The following PHLDB1 variants were observed in gnomAD, a reference collection of about 807,000 sequenced individuals.
The protein encoded by PHLDB1 is pleckstrin homology-like domain family B member 1.
PHLDB1 carries 65 observed loss-of-function variants against 139.3 expected under a neutral mutation model. The ratio of observed to expected loss-of-function variants is 0.47; its 90% CI spans 0.38 to 0.57. The LOEUF is 0.57. Ranked by LOEUF, PHLDB1 falls within the 20% of genes least tolerant of loss-of-function variation. PHLDB1 has a pLI of 0.00. For synonymous variants in PHLDB1, 679 were observed against 734.5 expected (o/e 0.92, Z 1.22); for missense variants, 1,624 against 1,839.7 (o/e 0.88, Z 2.14).
chr11:118,607,329 TGTGGTGGTGGTGGTGGTGGTGGTGGTG>T (rs60326273), upstream of PHLDB1, among the ~76,000 whole-genome samples: 476 of 57,662 alleles, frequency 8.3e-3, 12 homozygotes, highest in Non-Finnish European at 0.012. Flanking sequence ...GAGGGGGATG[TGTGGTGGTGGTGGTGGTGGTGGTGGTG>T]GTGGTGGTGG....
chr11:118,614,709 AC>A, intron 3 of PHLDB1, 27 bp downstream of exon 3: 1 of 1,610,914 alleles, frequency 6.2e-7, no homozygotes, highest in Non-Finnish European at 8.5e-7. Flanking sequence ...CATCTCACTC[AC>A]CACCCCTCTA....
intron 7 of PHLDB1, 83 bp from the exon 8 acceptor site, chr11:118,631,830 C>G: frequency 6.9e-7 from 1 of 1,458,754 alleles, no homozygotes; most frequent in African/African-American, 1.4e-5. Flanking sequence ...CAGCAAGTGC[C>G]TGGAGGAACA....
upstream of PHLDB1, chr11:118,606,755 C>G (rs1939319182): frequency 6.6e-6 from 1 of 152,248 alleles, no homozygotes; most frequent in Non-Finnish European, 1.5e-5. Flanking sequence ...TTGGGGGCTG[C>G]TTTTAGGTGT....
At chr11:118,644,030 G>C in intron 14 of PHLDB1, 42 bp from the exon 15 acceptor site, 1 of 1,608,112 alleles carries the variant, frequency 6.2e-7, no homozygotes, top group East Asian at 2.2e-5. Context: ...ATGGGGGTAA[G>C]GGCCTTCTGA....
At chr11:118,648,262 A>G (rs1947832587) in intron 18 of PHLDB1, among the ~76,000 whole-genome samples, 186 bp downstream of exon 18, 1 of 146,792 alleles carries the variant, frequency 6.8e-6, no homozygotes, top group East Asian at 2.0e-4. Flanking sequence ...CACCAGGACT[A>G]TTCAAGTTGT....
At position 118,635,563 on chromosome 11, in the gene PHLDB1, G is replaced by A. The variant is rs782645238; in HGVS notation, c.2535+15G>A. The stretch of plus-strand genomic sequence containing the variant: ...CCAAGAGGAAGGTGTGCCCCACCTC[G>A]TTCCCTGCTGCGTGCTGTTGGAGGC... On this transcript the variant is annotated intron_variant, in intron 10 of 22. Transcript: ENST00000600882. 17 of 1,503,228 alleles carry A rather than the reference G, an allele frequency of 1.1e-5. No individual in the cohort carries two copies. The South Asian group carries it at 1.9e-4, about 17-fold the overall frequency. 93.1% of individuals were successfully genotyped at this position (1,503,228 alleles called of 1,614,324 possible).
chr11:118,621,848 C>T (rs1334346924), intron 4 of PHLDB1, among the ~76,000 whole-genome samples: 7 of 152,118 alleles, frequency 4.6e-5, no homozygotes, highest in Admixed American at 3.9e-4. Context: ...GGGGAGTCTA[C>T]CTTATGGCCA....
Position 118,657,363 on chromosome 11 carries a change from A to G in PHLDB1, c.*540A>G, listed in dbSNP as rs1463526629. 1 of 153,964 alleles carries G rather than the reference A, an allele frequency of 6.5e-6. No individual in the cohort carries two copies. The highest frequency in any genetic ancestry group is 1.4e-5 in the Non-Finnish European group (1 of 68,984). 9.5% of individuals were successfully genotyped at this position (153,964 alleles called of 1,614,324 possible). On this transcript the variant is annotated 3_prime_UTR_variant, in exon 23 of 23. Coordinates refer to ENST00000600882, the MANE Select transcript of PHLDB1 (RefSeq NM_001144758.3). ...ATCCCCTAGTTGCAGACTCATCACC[A>G]TGGTTACCATAGTGACTGCTTCATT...
Position 118,644,840 on chromosome 11 carries a change from C to G in PHLDB1, c.3122-516C>G, listed in dbSNP as rs57516715. On this transcript the variant is annotated intron_variant, in intron 15 of 22. Coordinates refer to ENST00000600882, the MANE Select transcript of PHLDB1 (RefSeq NM_001144758.3). ...GTGTCTGCTGGCCTCACCCCTCCAG[C>G]TGGCCTCTCTTCTGCCCTCATCTGT... is the stretch of plus-strand genomic sequence containing the variant. The G allele has an allele frequency of 5.0e-3, 1,670 of 337,026 alleles. 20 individuals are homozygous for G. Among genetic ancestry groups the G allele is most frequent in the African/African-American group, 0.034 (1,542 of 45,534 alleles). 20.9% of individuals were successfully genotyped at this position (337,026 alleles called of 1,614,324 possible). A position where few individuals can be genotyped will look rare whatever the true frequency, so the allele number is the denominator to read the frequency against.
intron 3 of PHLDB1, 32 bp from the exon 4 acceptor site, chr11:118,616,009 C>A: frequency 2.5e-6 from 4 of 1,588,574 alleles, no homozygotes; most frequent in Non-Finnish European, 2.6e-6. Flanking sequence ...GCCTGGACAA[C>A]CCCTCTGATT....
In PHLDB1 at chr11:118,611,337, C is replaced by G. The variant is rs1351393361; in HGVS notation, c.-21-2479C>G. 3.9e-5 allele frequency among the ~76,000 whole-genome samples: 6 copies of G among 152,322 alleles called. No homozygotes were observed. The highest frequency in any genetic ancestry group is 1.4e-4 in the African/African-American group (6 of 41,570). ...TCCCCACACCTCTCTCCTTATCTCT[C>G]CCTTTACTTTCGCCTCCTTATTCTC... On this transcript the variant is annotated intron_variant, in intron 1 of 22. Transcript: ENST00000600882. The surrounding 1 kb of genome is among the most constrained non-coding windows in gnomAD (Gnocchi z 4.7).
Position 118,658,019 on chromosome 11 carries a change from G to T in PHLDB1, c.*1196G>T, listed in dbSNP as rs1949220101. The T allele has an allele frequency of 4.0e-6, 2 of 504,508 alleles. No individual in the cohort carries two copies. The highest frequency in any genetic ancestry group is 6.2e-5 in the East Asian group (2 of 32,240). The allele number at this position is 504,508 out of a possible 1,614,324, so 31.3% of individuals were successfully genotyped here. On this transcript the variant is annotated 3_prime_UTR_variant, in exon 23 of 23. Coordinates refer to ENST00000600882, the MANE Select transcript of PHLDB1 (RefSeq NM_001144758.3). The stretch of plus-strand genomic sequence containing the variant: ...TTTCAGCAGAACAATAAAGCCTTTG[G>T]ACTACGGAAGTGAGTGGAAGGCCGG...
chr11:118,608,281 C>A lies in PHLDB1; in HGVS notation c.-22+582C>A, dbSNP rs1387098661. Among the ~76,000 whole-genome samples the A allele has an allele frequency of 6.6e-6, 1 of 152,100 alleles. No homozygotes were observed. The highest frequency in any genetic ancestry group is 1.5e-5 in the Non-Finnish European group (1 of 67,960). On this transcript the variant is annotated intron_variant, in intron 1 of 22. Transcript: ENST00000600882. The surrounding 1 kb of genome is among the most constrained non-coding windows in gnomAD (Gnocchi z 6.7). ...GATGGGAAGCCCGCCTGGGGCCTCC[C>A]AGGCACTCCCCAAGGCCCCACGTCC...
Position 118,632,037 on chromosome 11 carries a change from A to G in PHLDB1, c.2225A>G (p.Gln742Arg). Residue 742 changes from glutamine (Q) to arginine (R), a missense_variant, in exon 8 of 23, where the codon CAG becomes CGG. Coordinates refer to ENST00000600882, the MANE Select transcript of PHLDB1 (RefSeq NM_001144758.3). This position sits in a 1 kb window ranked among gnomAD's most constrained non-coding sequence, Gnocchi z 5.9. ...GTGAAGGAGCTAGAGCAGCAGCTGC[A>G]GGAGTCAGCCCGAGAGGTGAGCCGT... ...VRVKELEQQL[Q>R]ESAREAEMER... 1 of 1,614,066 alleles carries G rather than the reference A, an allele frequency of 6.2e-7. No homozygotes were observed. Among genetic ancestry groups the G allele is most frequent in the Middle Eastern group, 1.6e-4 (1 of 6,062 alleles).
chr11:118,629,934 C>A, intron 6 of PHLDB1: 1 of 1,132,542 alleles, frequency 8.8e-7, no homozygotes. Context: ...GCTGCCCGCC[C>A]TGCCCCTCCC....
In PHLDB1 at chr11:118,608,438, G is replaced by C. The variant is rs781904720; in HGVS notation, c.-22+739G>C. 6.6e-6 allele frequency among the ~76,000 whole-genome samples: 1 copy of C among 152,170 alleles called. No homozygotes were observed. The highest frequency in any genetic ancestry group is 1.5e-5 in the Non-Finnish European group (1 of 68,010). ...TCCCCCGGGATAGGGAAGTGCGGGC[G>C]GGCGGCTGGGTAGGGGCGCCGGCGC... On this transcript the variant is annotated intron_variant, in intron 1 of 22. Coordinates refer to ENST00000600882, the MANE Select transcript of PHLDB1 (RefSeq NM_001144758.3). This position sits in a 1 kb window ranked among gnomAD's most constrained non-coding sequence, Gnocchi z 6.7.
Position 118,650,734 on chromosome 11 carries a change from A to G in PHLDB1, c.3874+187A>G. On this transcript the variant is annotated intron_variant, in intron 20 of 22. Transcript: ENST00000600882. This position sits in a 1 kb window ranked among gnomAD's most constrained non-coding sequence, Gnocchi z 4.7. ...TTCACCTCCATTTTTGTGTTCATTCATTCATTCCTTCATTCAGCAATGTTA... is the reference window on the plus strand; with the variant it reads ...TTCACCTCCATTTTTGTGTTCATTCGTTCATTCCTTCATTCAGCAATGTTA... The G allele has an allele frequency of 1.7e-6, 1 of 597,896 alleles. No individual in the cohort carries two copies. Among genetic ancestry groups the G allele is most frequent in the Admixed American group, 2.9e-5 (1 of 34,004 alleles). 37.0% of individuals were successfully genotyped at this position (597,896 alleles called of 1,614,324 possible).
At chr11:118,651,971 G>A (rs1555137618) in intron 20 of PHLDB1, 1 of 152,176 alleles carries the variant, frequency 6.6e-6, no homozygotes, top group African/African-American at 2.4e-5. Context: ...GCTTAAGTGA[G>A]CCCGGCCTTG....
intron 20 of PHLDB1, chr11:118,654,056 GC>G (rs1338127019): frequency 6.6e-6 from 1 of 152,250 alleles, no homozygotes; most frequent in African/African-American, 2.4e-5. Flanking sequence ...TCCGTAAGTT[GC>G]CTTTACCAAG....
Sources: gnomAD v4.1 joint callset for allele counts (sites outside exome capture counted in the v4.1 genomes callset) on GRCh38, gnomAD v4.1.1 for gene constraint, Gnocchi (gnomAD v3.1) non-coding constraint, MANE v1.5 for transcripts, NCBI Gene and HGNC (gene_info 2026-07-23, HGNC 2026-07-21) for gene names.